RHPN2: variants seen among roughly 807,000 people sequenced by gnomAD.
The protein encoded by RHPN2 is rhophilin Rho GTPase binding protein 2.
Under a neutral mutation model 79.0 loss-of-function variants are expected in RHPN2, and 40 were observed. That is an observed-to-expected ratio of 0.51 (90% CI 0.39 to 0.66). RHPN2 has a LOEUF of 0.66. RHPN2 is among the 30% of genes least tolerant of loss of function. The pLI is 0.00. For missense variants in RHPN2, 686 were observed against 883.5 expected (o/e 0.78, Z 2.83); for synonymous variants, 285 against 363.5 (o/e 0.78, Z 2.46).
At chr19:33,027,985 G>A (rs1215555446) in intron 2 of RHPN2, among the ~76,000 whole-genome samples, 1 of 151,890 alleles carries the variant, frequency 6.6e-6, no homozygotes, top group African/African-American at 2.4e-5. Context: ...AATCAATGAG[G>A]CAAATAAAGA....
chr19:33,012,556 G>A (rs561935669), intron 5 of RHPN2, 91 bp downstream of exon 5: 37 of 845,042 alleles, frequency 4.4e-5, no homozygotes, highest in Admixed American at 6.8e-5. Context: ...ATCCACCCGC[G>A]ATTCTGTTAA....
chr19:33,007,776 T>G lies in RHPN2; in HGVS notation c.760+238A>C, dbSNP rs571032205. Among the ~76,000 whole-genome samples the G allele has an allele frequency of 3.9e-3, 587 of 148,804 alleles. 1 individual carries two copies. The highest frequency in any genetic ancestry group is 0.014 in the African/African-American group (562 of 40,312). On this transcript the variant is annotated intron_variant, in intron 7 of 14. Coordinates refer to ENST00000254260, the MANE Select transcript of RHPN2 (RefSeq NM_033103.5). ...TTTTTTTTTTTTTTTTGAGATGCAG[T>G]CTGGCCTCGATCTCCTGACCTTGTG...
intron 1 of RHPN2, among the ~76,000 whole-genome samples, chr19:33,063,114 C>CG (rs35076530): frequency 6.6e-6 from 1 of 152,122 alleles, no homozygotes; most frequent in Non-Finnish European, 1.5e-5. Context: ...AGTCAGGCCC[C>CG]GGGGCCCGAG....
chr19:33,059,499 C>G (rs1382624403), intron 1 of RHPN2, among the ~76,000 whole-genome samples: 1 of 151,884 alleles, frequency 6.6e-6, no homozygotes, highest in Non-Finnish European at 1.5e-5. Context: ...AGGGTTTCAC[C>G]GTGTTGGCCA....
At chr19:33,022,363 C>A (rs1971931765) in intron 3 of RHPN2, among the ~76,000 whole-genome samples, 1 of 152,176 alleles carries the variant, frequency 6.6e-6, no homozygotes, top group South Asian at 2.1e-4. Flanking sequence ...CCTTTGTCAG[C>A]TCCTCACCCC....
chr19:33,051,316 C>T (rs1421193540), intron 1 of RHPN2, among the ~76,000 whole-genome samples: 1 of 152,140 alleles, frequency 6.6e-6, no homozygotes, highest in Non-Finnish European at 1.5e-5. Context: ...CTTTACAGGT[C>T]ACTTACATGC....
chr19:33,044,762 TG>T (rs1972128618), intron 1 of RHPN2, among the ~76,000 whole-genome samples: 1 of 152,080 alleles, frequency 6.6e-6, no homozygotes, highest in Non-Finnish European at 1.5e-5. Context: ...GGTGTGGTGG[TG>T]GGCGCCTATA....
Position 32,998,281 on chromosome 19 carries a change from T to C in RHPN2, c.1225+1305A>G, listed in dbSNP as rs148652387. ...TTCCACCAGGGCAGCAGGATTAAAG[T>C]GGCCAGATTTGAGATATGTTTTCTA... On this transcript the variant is annotated intron_variant, in intron 10 of 14. Transcript: ENST00000254260. 3.9e-5 allele frequency among the ~76,000 whole-genome samples: 6 copies of C among 152,290 alleles called. No individual in the cohort carries two copies. In the East Asian group the frequency reaches 1.2e-3, roughly 29 times the overall value.
chr19:33,061,636 G>A (rs973404080), intron 1 of RHPN2, among the ~76,000 whole-genome samples: 1 of 151,784 alleles, frequency 6.6e-6, no homozygotes, highest in Admixed American at 6.6e-5. Flanking sequence ...GGCGCCTGCC[G>A]CTACACCCGG....
chr19:33,048,745 AC>A (rs1972163953), intron 1 of RHPN2, among the ~76,000 whole-genome samples: 1 of 150,808 alleles, frequency 6.6e-6, no homozygotes, highest in Non-Finnish European at 1.5e-5. Context: ...AAAAAAAAAA[AC>A]TTTAATGTTA....
chr19:32,997,748 C>A (rs1407056580), intron 10 of RHPN2, among the ~76,000 whole-genome samples: 1 of 152,218 alleles, frequency 6.6e-6, no homozygotes, highest in Non-Finnish European at 1.5e-5. Flanking sequence ...ACCTCTGCCT[C>A]CCAAAGTGCT....
chr19:33,039,932 A>T (rs2145259933), intron 2 of RHPN2, among the ~76,000 whole-genome samples: 1 of 151,924 alleles, frequency 6.6e-6, no homozygotes, highest in African/African-American at 2.4e-5. Flanking sequence ...AGATACAGCA[A>T]CTCTGGCCCT....
intron 3 of RHPN2, among the ~76,000 whole-genome samples, chr19:33,022,057 C>T (rs1311645704): frequency 6.6e-6 from 1 of 152,166 alleles, no homozygotes; most frequent in Non-Finnish European, 1.5e-5. Context: ...TCTCCTGCCT[C>T]AGCCCCCCGA....
intron 7 of RHPN2, among the ~76,000 whole-genome samples, chr19:33,007,533 C>T (rs1053715301): frequency 2.0e-5 from 3 of 148,838 alleles, no homozygotes; most frequent in African/African-American, 7.5e-5. Flanking sequence ...AATAAAGGCA[C>T]GGAGAGTAAT....
chr19:32,983,320 G>A (rs1397615337), intron 14 of RHPN2, among the ~76,000 whole-genome samples: 2 of 151,886 alleles, frequency 1.3e-5, no homozygotes, highest in Non-Finnish European at 2.9e-5. Flanking sequence ...AGACCATCGG[G>A]GCTAACATGG....
intron 2 of RHPN2, among the ~76,000 whole-genome samples, chr19:33,038,183 T>C (rs2145258736): frequency 6.6e-6 from 1 of 152,036 alleles, no homozygotes; most frequent in African/African-American, 2.4e-5. Flanking sequence ...ACCCCCTCTC[T>C]ATTAAAAATA....
chr19:32,980,368 G>GATT, intron 14 of RHPN2, 112 bp from the exon 15 acceptor site: 1 of 1,280,880 alleles, frequency 7.8e-7, no homozygotes, highest in Non-Finnish European at 1.1e-6. Context: ...AACAGTTTGG[G>GATT]AGGCCGAGGA....
chr19:33,002,006 C>T (rs1250248279), intron 9 of RHPN2, among the ~76,000 whole-genome samples: 1 of 152,168 alleles, frequency 6.6e-6, no homozygotes, highest in Non-Finnish European at 1.5e-5. Flanking sequence ...GGTGAAAATT[C>T]ATCCTCTTGC....
intron 3 of RHPN2, among the ~76,000 whole-genome samples, chr19:33,025,481 CAAA>C (rs1265765367): frequency 1.4e-5 from 2 of 138,090 alleles, no homozygotes. Flanking sequence ...GACTCTGTGT[CAAA>C]AAAAAAAAAG....
Sources: gnomAD v4.1 joint callset for allele counts (sites outside exome capture counted in the v4.1 genomes callset) on GRCh38, gnomAD v4.1.1 for gene constraint, MANE v1.5 for transcripts, NCBI Gene and HGNC (gene_info 2026-07-23, HGNC 2026-07-21) for gene names.